The following NFAT5 variants were observed in gnomAD, a reference collection of about 807,000 sequenced individuals.
The protein encoded by NFAT5 is nuclear factor of activated T-cells 5.
Under a neutral mutation model 166.5 loss-of-function variants are expected in NFAT5, and 31 were observed. The ratio of observed to expected loss-of-function variants is 0.19; its 90% CI spans 0.14 to 0.25. The LOEUF (loss-of-function observed/expected upper bound fraction) is 0.25. Among genes scored for constraint, NFAT5 ranks in the 10% least tolerant of loss-of-function variants. The pLI is 1.00. For missense variants in NFAT5, 1,449 were observed against 1,821.8 expected (o/e 0.80, Z 3.72); for synonymous variants, 612 against 639.7 (o/e 0.96, Z 0.65).
chr16:69,618,681 C>T (rs2034066952), intron 2 of NFAT5, among the ~76,000 whole-genome samples: 1 of 151,608 alleles, frequency 6.6e-6, no homozygotes, highest in South Asian at 2.1e-4. Context: ...CATTCCCAAA[C>T]CATTTTCTGA....
chr16:69,651,781 C>T (rs1024645825), intron 4 of NFAT5, among the ~76,000 whole-genome samples: 16 of 151,944 alleles, frequency 1.1e-4, no homozygotes, highest in African/African-American at 3.9e-4. Flanking sequence ...AGTGATTCTC[C>T]TGCCTCAGCC....
intron 3 of NFAT5, among the ~76,000 whole-genome samples, chr16:69,643,535 G>A (rs576055510): frequency 4.0e-4 from 60 of 151,646 alleles, no homozygotes; most frequent in South Asian, 1.0e-3. Flanking sequence ...GAGTACTCTC[G>A]GTAGAGATAG....
intron 6 of NFAT5, among the ~76,000 whole-genome samples, chr16:69,657,972 C>G (rs2035959487): frequency 6.9e-6 from 1 of 144,368 alleles, no homozygotes; most frequent in South Asian, 2.2e-4. Context: ...GTAGTCCCAG[C>G]TACTCCAGAG....
intron 3 of NFAT5, among the ~76,000 whole-genome samples, chr16:69,640,866 A>G (rs2035174120): frequency 6.6e-6 from 1 of 152,012 alleles, no homozygotes; most frequent in South Asian, 2.1e-4. Context: ...CTGTAATCCC[A>G]GCTACTTGGG....
At chr16:69,612,873 AAG>A (rs1230447860) in intron 2 of NFAT5, among the ~76,000 whole-genome samples, 6 of 151,604 alleles carry the variant, frequency 4.0e-5, no homozygotes, top group Non-Finnish European at 2.9e-5. Context: ...AAAAAAAAAA[AAG>A]GCAAAACTGT....
intron 9 of NFAT5, 126 bp from the exon 10 acceptor site, chr16:69,677,077 T>TAAAATTA: frequency 1.1e-6 from 1 of 919,518 alleles, no homozygotes; most frequent in South Asian, 1.7e-5. Flanking sequence ...ACCTGAGCTT[T>TAAAATTA]AAAATGCATT....
chr16:69,658,748 A>G (rs1424179498), intron 6 of NFAT5, among the ~76,000 whole-genome samples: 1 of 152,110 alleles, frequency 6.6e-6, no homozygotes, highest in Admixed American at 6.5e-5. Context: ...AATTACCTGA[A>G]CCCAGGAGGG....
At chr16:69,625,422 T>C (rs1486415662) in intron 2 of NFAT5, among the ~76,000 whole-genome samples, 1 of 152,056 alleles carries the variant, frequency 6.6e-6, no homozygotes, top group African/African-American at 2.4e-5. Context: ...TAATCTAATA[T>C]AGGTATTTAT....
intron 11 of NFAT5, chr16:69,690,656 C>G (rs1597566475): frequency 5.8e-6 from 1 of 172,324 alleles, no homozygotes; most frequent in East Asian, 1.5e-4. Context: ...TAGTATGATT[C>G]AAGGCACTTG....
chr16:69,599,405 T>C (rs562650199), intron 2 of NFAT5, among the ~76,000 whole-genome samples: 38 of 152,184 alleles, frequency 2.5e-4, no homozygotes, highest in Admixed American at 5.2e-4. Flanking sequence ...GGTGAAACCC[T>C]GTCTCTCCTA....
chr16:69,635,023 G>GTTTTTT (rs530661389), intron 3 of NFAT5, among the ~76,000 whole-genome samples: 5 of 105,244 alleles, frequency 4.8e-5, no homozygotes, highest in African/African-American at 7.6e-5. Context: ...TGTTAGTAAA[G>GTTTTTT]TTTTTTTTTT....
At chr16:69,575,857 C>T (rs1597339075) in intron 2 of NFAT5, among the ~76,000 whole-genome samples, 1 of 152,188 alleles carries the variant, frequency 6.6e-6, no homozygotes, top group East Asian at 1.9e-4. Context: ...GATGTAGTAC[C>T]AGTATCCCTA....
chr16:69,669,852 A>G, intron 7 of NFAT5, 125 bp from the exon 8 acceptor site: 4 of 798,030 alleles, frequency 5.0e-6, no homozygotes, highest in Non-Finnish European at 7.5e-6. Flanking sequence ...TTGTGTAACT[A>G]TAAAAATATT....
chr16:69,566,177 G>A lies in NFAT5; in HGVS notation c.-125G>A, dbSNP rs1001322883. On this transcript the variant is annotated 5_prime_UTR_variant, in exon 1 of 15. Coordinates refer to ENST00000349945, the MANE Select transcript of NFAT5 (RefSeq NM_138713.4). This position sits in a 1 kb window ranked among gnomAD's most constrained non-coding sequence, Gnocchi z 5.7. ...TGGAAGTCACTACCCTCGAGGAGGAGGCAGCGGCAGCCGCCCTCGCGTCGC... is the reference window on the plus strand; with the variant it reads ...TGGAAGTCACTACCCTCGAGGAGGAAGCAGCGGCAGCCGCCCTCGCGTCGC... 2.8e-6 allele frequency: 2 copies of A among 725,826 alleles called. No individual in the cohort carries two copies. Among genetic ancestry groups the A allele is most frequent in the Non-Finnish European group, 4.5e-6 (2 of 444,020 alleles). 45.0% of individuals were successfully genotyped at this position (725,826 alleles called of 1,614,324 possible). A position where few individuals can be genotyped will look rare whatever the true frequency, so the allele number is the denominator to read the frequency against.
At chr16:69,609,871 G>A (rs2033623097) in intron 2 of NFAT5, among the ~76,000 whole-genome samples, 1 of 151,492 alleles carries the variant, frequency 6.6e-6, no homozygotes, top group Non-Finnish European at 1.5e-5. Context: ...TGGACATGGT[G>A]GCATGAGCCT....
At chr16:69,608,069 T>C (rs1432364151) in intron 2 of NFAT5, among the ~76,000 whole-genome samples, 1 of 152,134 alleles carries the variant, frequency 6.6e-6, no homozygotes, top group African/African-American at 2.4e-5. Context: ...AAAACTACTT[T>C]ATTGGCCGGT....
chr16:69,618,140 A>G (rs2034040463), intron 2 of NFAT5, among the ~76,000 whole-genome samples: 1 of 151,126 alleles, frequency 6.6e-6, no homozygotes, highest in South Asian at 2.1e-4. Flanking sequence ...CCTGGGCAAC[A>G]ACAGCGAAAC....
intron 10 of NFAT5, among the ~76,000 whole-genome samples, chr16:69,682,576 G>T (rs954667769): frequency 1.3e-5 from 2 of 152,108 alleles, no homozygotes; most frequent in Non-Finnish European, 2.9e-5. Flanking sequence ...CCGTGATCAT[G>T]CCAATGTACT....
intron 2 of NFAT5, among the ~76,000 whole-genome samples, chr16:69,574,187 A>G (rs2016606706): frequency 6.6e-6 from 1 of 152,144 alleles, no homozygotes. Flanking sequence ...GACACTTTTT[A>G]TATGAAAAAG....
Sources: allele counts gnomAD v4.1 joint callset (sites outside exome capture counted in the v4.1 genomes callset), GRCh38; gene constraint gnomAD v4.1.1; non-coding constraint Gnocchi (gnomAD v3.1); transcripts MANE v1.5; gene names NCBI Gene and HGNC (gene_info 2026-07-23, HGNC 2026-07-21).